The following CCKAR variants were observed in gnomAD, a reference collection of about 807,000 sequenced individuals.
CCKAR encodes the protein cholecystokinin A receptor.
CCKAR carries 21 observed loss-of-function variants against 29.8 expected under a neutral mutation model. The observed-to-expected ratio is 0.70, with a 90% CI of 0.50 to 1.01. The LOEUF is 1.01. CCKAR is among the 50% of genes least tolerant of loss of function. The pLI is 0.00. For synonymous variants in CCKAR, 238 were observed against 221.3 expected, an observed-to-expected ratio of 1.08 and a Z score of -0.67; for missense variants, 570 against 560.6, an observed-to-expected ratio of 1.02 and a Z score of -0.17.
chr4:26,485,768 G>A lies in CCKAR; in HGVS notation c.495C>T (p.Thr165=), dbSNP rs779069487. The A allele has an allele frequency of 1.9e-6, 3 of 1,614,028 alleles. No individual in the cohort carries two copies. The highest frequency in any genetic ancestry group is 2.5e-6 in the Non-Finnish European group (3 of 1,180,032). ...KSHALKVIAA[T]WCLSFTIMTP... is the part of the protein sequence containing the mutation. ...TCATGATGGTAAAGGAAAGGCACCA[G>A]GTAGCAGCAATCACCTTCAAAGCAT... The change falls in exon 3 of 5, where the codon ACC becomes ACT. Residue 165 remains threonine, a synonymous_variant. Coordinates refer to ENST00000295589, the MANE Select transcript of CCKAR (RefSeq NM_000730.3).
rs758354062 is a variant in CCKAR, at chr4:26,489,385, C to T, written c.212G>A (p.Arg71Gln). ...GAAGATGTTGGTGACCGTCCGCATC[C>T]GCTTGTTCCGAATCAGCACGGTGAT... is the stretch of plus-strand genomic sequence containing the variant. ...LVITVLIRNKRMRTVTNIFLL... is the reference protein window; with the variant it reads ...LVITVLIRNKQMRTVTNIFLL... Residue 71 changes from arginine (R) to glutamine (Q), a missense_variant, in exon 2 of 5, where the codon CGG (arginine) becomes CAG (glutamine). Physicochemically the swap from Arg to Gln is conservative, Grantham distance 43. Coordinates refer to ENST00000295589, the MANE Select transcript of CCKAR (RefSeq NM_000730.3). The T allele has an allele frequency of 3.7e-6, 6 of 1,614,156 alleles. No homozygotes were observed. The highest frequency in any genetic ancestry group is 2.2e-5 in the East Asian group (1 of 44,854).
rs202200466 is a variant in CCKAR, at chr4:26,481,977, G to A, written c.948C>T (p.Ile316=). Residue 316 remains isoleucine (I), a synonymous_variant, in exon 5 of 5, where the codon ATC becomes ATT. Coordinates refer to ENST00000295589, the MANE Select transcript of CCKAR (RefSeq NM_000730.3). ...ACAGGAAGAAGAGGACCACGATGAC[G>A]ATGAGCATGCGGATCACCCTTTTCT... ...MAKKRVIRML[I]VIVVLFFLCW... 6 of 1,614,266 alleles carry A rather than the reference G, an allele frequency of 3.7e-6. No individual in the cohort carries two copies. The South Asian group carries it at 6.6e-5, about 18-fold the overall frequency.
intron 4 of CCKAR, among the ~76,000 whole-genome samples, 186 bp downstream of exon 4, chr4:26,482,970 C>A (rs543331517): frequency 1.3e-5 from 2 of 152,302 alleles, no homozygotes; most frequent in African/African-American, 4.8e-5. Flanking sequence ...GGAATGATTT[C>A]CCCATTTTAC....
rs751834504 is a variant in CCKAR, at chr4:26,489,192, T to C, written c.364+41A>G. Reference sequence around the variant, plus strand: ...TGGGAAGGTCTGGGGCTGAGTGGGGTCTGGGGCAAGCTCCAGAAAGAGTCA... The same window carrying C: ...TGGGAAGGTCTGGGGCTGAGTGGGGCCTGGGGCAAGCTCCAGAAAGAGTCA... On this transcript the variant is annotated intron_variant, in intron 2 of 4. Transcript: ENST00000295589. 12 of 1,611,140 alleles carry C rather than the reference T, an allele frequency of 7.4e-6. No individual in the cohort carries two copies. In the African/African-American group the frequency reaches 8.0e-5, roughly 11 times the overall value.
At position 26,481,455 on chromosome 4, in the gene CCKAR, C is replaced by T. The variant is rs1057470253; in HGVS notation, c.*183G>A. The stretch of plus-strand genomic sequence containing the variant: ...GAACTGCCTAGAAACCAATCATGGC[C>T]CCACTGGAGCAGTGCTCTGGAATCC... On this transcript the variant is annotated 3_prime_UTR_variant, in exon 5 of 5. Transcript: ENST00000295589. 1.1e-5 allele frequency: 7 copies of T among 663,094 alleles called. No homozygotes were observed. The Admixed American group carries it at 1.4e-4, about 13-fold the overall frequency. The allele number at this position is 663,094 out of a possible 1,614,324, so 41.1% of individuals were successfully genotyped here.
At chr4:26,483,511 A>C (rs1329984789) in intron 3 of CCKAR, among the ~76,000 whole-genome samples, 2 of 152,236 alleles carry the variant, frequency 1.3e-5, no homozygotes, top group African/African-American at 4.8e-5. Context: ...TTTAATTGGA[A>C]AAGTTTGGCG....
At chr4:26,488,261 C>T (rs552329738) in intron 2 of CCKAR, among the ~76,000 whole-genome samples, 1 of 152,326 alleles carries the variant, frequency 6.6e-6, no homozygotes, top group East Asian at 1.9e-4. Context: ...AAGAGAACCA[C>T]AGCAGTTGGC....
chr4:26,489,144 C>T, intron 2 of CCKAR, 89 bp downstream of exon 2: 1 of 1,539,082 alleles, frequency 6.5e-7, no homozygotes, highest in Non-Finnish European at 8.9e-7. Flanking sequence ...AGCAGGGCTC[C>T]TTTGCTGTGA....
Position 26,485,834 on chromosome 4 carries a change from A to G in CCKAR, c.429T>C (p.Ile143=). ...VAISLERYGA[I]CKPLQSRVWQ... is the part of the protein sequence containing the mutation. The stretch of plus-strand genomic sequence containing the variant: ...AGACCCGGGACTGTAAGGGTTTGCA[A>G]ATCGCACCATATCTCTCTAGAGATA... The change falls in exon 3 of 5, where the codon ATT becomes ATC. Residue 143 remains isoleucine, a synonymous_variant. Coordinates refer to ENST00000295589, the MANE Select transcript of CCKAR (RefSeq NM_000730.3). The G allele has an allele frequency of 6.2e-7, 1 of 1,614,012 alleles. No homozygotes were observed. Among genetic ancestry groups the G allele is most frequent in the Non-Finnish European group, 8.5e-7 (1 of 1,179,944 alleles).
chr4:26,485,991 G>C, intron 2 of CCKAR, 93 bp from the exon 3 acceptor site: 1 of 1,088,074 alleles, frequency 9.2e-7, no homozygotes, highest in Non-Finnish European at 1.3e-6. Flanking sequence ...GCACAGGTTT[G>C]ATATCAAAGG....
intron 3 of CCKAR, among the ~76,000 whole-genome samples, chr4:26,483,817 G>A (rs1737396871): frequency 6.6e-6 from 1 of 152,194 alleles, no homozygotes; most frequent in Non-Finnish European, 1.5e-5. Context: ...TGGTAGCAGA[G>A]GTGGAATTTG....
At position 26,485,735 on chromosome 4, in the gene CCKAR, G is replaced by A. The variant is rs1176724694; in HGVS notation, c.528C>T (p.Tyr176=). Residue 176 remains tyrosine, a synonymous_variant, in exon 3 of 5, where the codon TAC becomes TAT. Transcript: ENST00000295589. ...WCLSFTIMTP[Y]PIYSNLVPFT... ...AAGGCACCAAGTTGCTATAAATGGG[G>A]TACGGAGTCATGATGGTAAAGGAAA... 1 of 1,614,042 alleles carries A rather than the reference G, an allele frequency of 6.2e-7. No individual in the cohort carries two copies. The highest frequency in any genetic ancestry group is 1.3e-5 in the African/African-American group (1 of 74,898).
At position 26,487,623 on chromosome 4, in the gene CCKAR, T is replaced by C. The variant is rs978874386; in HGVS notation, c.364+1610A>G. Among the ~76,000 whole-genome samples the C allele has an allele frequency of 2.6e-5, 4 of 152,232 alleles. No individual in the cohort carries two copies. In the East Asian group the frequency reaches 7.7e-4, roughly 29 times the overall value. ...AAAATCCAACAAAATTATTATGGTA[T>C]TGCAAATACTTTCAGAATGATGTTG... On this transcript the variant is annotated intron_variant, in intron 2 of 4. Transcript: ENST00000295589.
Position 26,481,758 on chromosome 4 carries a change from G to A in CCKAR, c.1167C>T (p.Pro389=). Residue 389 remains proline, a synonymous_variant, in exon 5 of 5, where the codon CCC becomes CCT. Coordinates refer to ENST00000295589, the MANE Select transcript of CCKAR (RefSeq NM_000730.3). ...CCCTCGCCCCTGGGGGACCAGGATT[G>A]GGGCAGCAGGGGAAGGTGGCCATGA... is the stretch of plus-strand genomic sequence containing the variant. ...LGFMATFPCC[P]NPGPPGARGE... 3.1e-6 allele frequency: 5 copies of A among 1,614,158 alleles called. No individual in the cohort carries two copies. The East Asian group carries it at 6.7e-5, about 22-fold the overall frequency.
intron 3 of CCKAR, among the ~76,000 whole-genome samples, chr4:26,485,091 G>A (rs997880706): frequency 6.6e-6 from 1 of 151,444 alleles, no homozygotes; most frequent in African/African-American, 2.4e-5. Flanking sequence ...CTACTCAGGA[G>A]GCTGAGGCAG....
At chr4:26,490,127 G>A in intron 1 of CCKAR, 29 bp downstream of exon 1, 7 of 1,436,346 alleles carry the variant, frequency 4.9e-6, no homozygotes, top group Non-Finnish European at 6.9e-6. Flanking sequence ...ATAGTTTCCT[G>A]AATTAAAATA....
In CCKAR at chr4:26,481,702, G is replaced by A. The variant is rs1440929470; in HGVS notation, c.1223C>T (p.Thr408Ile). Residue 408 changes from threonine to isoleucine, a missense_variant, in exon 5 of 5, where the codon ACC becomes ATC. Transcript: ENST00000295589. ...GAACCTGGACAGAGAGGCTCCTGTG[G>A]TCCCGCCTTCCTCCTCCTCCCCCAC... ...GEVGEEEEGG[T>I]TGASLSRFSY... 1 of 1,614,080 alleles carries A rather than the reference G, an allele frequency of 6.2e-7. No individual in the cohort carries two copies. The highest frequency in any genetic ancestry group is 2.2e-5 in the East Asian group (1 of 44,878).
In CCKAR at chr4:26,490,167, C is replaced by A. The variant is rs754709140; in HGVS notation, c.101G>T (p.Arg34Leu). 1.2e-6 allele frequency: 2 copies of A among 1,609,936 alleles called. No individual in the cohort carries two copies. Among genetic ancestry groups the A allele is most frequent in the Admixed American group, 3.3e-5 (2 of 59,912 alleles). ...CTTCCGACACTTACCTTTGGAAGGA[C>A]GGGGCTGATCCAAGCAGAAAAGCGT... ...NETLFCLDQP[R>L]PSKEWQPAVQ... The change falls in exon 1 of 5, where the codon CGT (arginine) becomes CTT (leucine). Residue 34 changes from arginine to leucine, a missense_variant. By Grantham distance (102) the Arg-to-Leu change is moderately radical. Coordinates refer to ENST00000295589, the MANE Select transcript of CCKAR (RefSeq NM_000730.3).
chr4:26,486,872 C>A (rs546221771), intron 2 of CCKAR, among the ~76,000 whole-genome samples: 1 of 152,134 alleles, frequency 6.6e-6, no homozygotes, highest in East Asian at 1.9e-4. Context: ...CAAGATCGCA[C>A]CACTGCACCC....
Sources: gnomAD v4.1 joint callset for allele counts (sites outside exome capture counted in the v4.1 genomes callset) on GRCh38, gnomAD v4.1.1 for gene constraint, MANE v1.5 for transcripts, NCBI Gene and HGNC (gene_info 2026-07-23, HGNC 2026-07-21) for gene names.